The following BTBD9 variants were observed in gnomAD, a reference collection of about 807,000 sequenced individuals.
BTBD9 encodes the protein BTB/POZ domain-containing protein 9.
BTBD9 carries 49 observed loss-of-function variants against 64.3 expected under a neutral mutation model. The observed-to-expected ratio is 0.76, with a 90% CI of 0.61 to 0.97. BTBD9 has a LOEUF of 0.97. Ranked by LOEUF, BTBD9 falls within the 50% of genes least tolerant of loss-of-function variation. The pLI is 0.00. For synonymous variants in BTBD9, 260 were observed against 274.7 expected, an observed-to-expected ratio of 0.95 and a Z score of 0.53; for missense variants, 598 against 762.1, an observed-to-expected ratio of 0.78 and a Z score of 2.53.
At chr6:38,574,517 T>C (rs1775938520) in intron 6 of BTBD9, among the ~76,000 whole-genome samples, 1 of 152,140 alleles carries the variant, frequency 6.6e-6, no homozygotes. Flanking sequence ...CCAACGAGGA[T>C]GGCAGGGATG....
At chr6:38,546,780 T>C (rs1304268229) in intron 6 of BTBD9, among the ~76,000 whole-genome samples, 1 of 152,208 alleles carries the variant, frequency 6.6e-6, no homozygotes, top group Admixed American at 6.5e-5. Flanking sequence ...GTGATTCTCC[T>C]GCCTCAGCCT....
chr6:38,234,627 A>G (rs1470001481), intron 9 of BTBD9, among the ~76,000 whole-genome samples: 1 of 152,250 alleles, frequency 6.6e-6, no homozygotes, highest in African/African-American at 2.4e-5. Context: ...GTATTATTTT[A>G]ATAAAAACAG....
chr6:38,176,244 G>C (rs1761243560), intron 10 of BTBD9, among the ~76,000 whole-genome samples: 1 of 152,212 alleles, frequency 6.6e-6, no homozygotes, highest in Non-Finnish European at 1.5e-5. Context: ...GTAGAATCAA[G>C]TTCACAGAGA....
At chr6:38,248,185 T>C (rs913731257) in intron 9 of BTBD9, among the ~76,000 whole-genome samples, 2 of 152,168 alleles carry the variant, frequency 1.3e-5, no homozygotes, top group Admixed American at 1.3e-4. Context: ...AAAAAACTCT[T>C]TGCAGCATCA....
chr6:38,639,342 C>T (rs978155589), intron 1 of BTBD9, among the ~76,000 whole-genome samples: 54 of 152,284 alleles, frequency 3.5e-4, no homozygotes, highest in African/African-American at 1.2e-3. Context: ...TCACAACTCT[C>T]TCCATAACAA....
At chr6:38,363,268 C>T (rs1765045657) in intron 6 of BTBD9, among the ~76,000 whole-genome samples, 1 of 152,078 alleles carries the variant, frequency 6.6e-6, no homozygotes, top group Admixed American at 6.6e-5. Context: ...CAACTTTTTA[C>T]AACATTTCTC....
Position 38,594,209 on chromosome 6 carries a change from G to C in BTBD9, c.304C>G (p.Leu102Val). Residue 102 changes from leucine (L) to valine (V), a missense_variant, in exon 3 of 11, where the codon CTG becomes GTG. Coordinates refer to ENST00000481247, the MANE Select transcript of BTBD9 (RefSeq NM_001099272.2). ...AGCACCTCCTCCTTCTCATCTGTCA[G>C]CGTTGCCCGCCCAGTGTAGATATAT... The part of the protein sequence containing the change: ...LKYIYTGRAT[L>V]TDEKEEVLLD... 6.2e-7 allele frequency: 1 copy of C among 1,614,160 alleles called. No individual in the cohort carries two copies. Among genetic ancestry groups the C allele is most frequent in the Non-Finnish European group, 8.5e-7 (1 of 1,180,018 alleles).
intron 6 of BTBD9, among the ~76,000 whole-genome samples, chr6:38,449,350 C>T (rs1040633899): frequency 3.3e-5 from 5 of 152,178 alleles, no homozygotes; most frequent in African/African-American, 4.8e-5. Context: ...GGAGGCATCA[C>T]ACTACCTGAC....
Position 38,436,424 on chromosome 6 carries a change from G to C in BTBD9, c.1155-91331C>G, listed in dbSNP as rs562894395. Among the ~76,000 whole-genome samples the C allele has an allele frequency of 1.2e-4, 16 of 136,356 alleles. 1 individual carries two copies. In the South Asian group the frequency reaches 3.6e-3, roughly 31 times the overall value. 89.5% of individuals were successfully genotyped at this position (136,356 alleles called of 152,430 possible). A position where few individuals can be genotyped will look rare whatever the true frequency, so the allele number is the denominator to read the frequency against. ...GAGTTTCACTCTTGTTGCCCAGGCT[G>C]GAGGGCAACGGCACGATCTCGGCTC... On this transcript the variant is annotated intron_variant, in intron 6 of 10. Coordinates refer to ENST00000481247, the MANE Select transcript of BTBD9 (RefSeq NM_001099272.2).
At chr6:38,189,371 C>T (rs763660828) in intron 10 of BTBD9, among the ~76,000 whole-genome samples, 1 of 152,346 alleles carries the variant, frequency 6.6e-6, no homozygotes, top group East Asian at 1.9e-4. Flanking sequence ...TTCCATTGTT[C>T]TCTAAGATAG....
chr6:38,357,195 C>CA (rs369596463), intron 6 of BTBD9, among the ~76,000 whole-genome samples: 192 of 152,262 alleles, frequency 1.3e-3, no homozygotes, highest in African/African-American at 4.3e-3. Context: ...TGTAGTTAAC[C>CA]AATCTTCCTC....
chr6:38,501,330 G>A (rs572061519), intron 6 of BTBD9, among the ~76,000 whole-genome samples: 4 of 152,172 alleles, frequency 2.6e-5, no homozygotes, highest in African/African-American at 9.7e-5. Context: ...GATTAGGAAT[G>A]CTCAACCAGT....
intron 6 of BTBD9, among the ~76,000 whole-genome samples, chr6:38,553,755 A>G (rs1217915849): frequency 6.6e-6 from 1 of 152,048 alleles, no homozygotes; most frequent in African/African-American, 2.4e-5. Flanking sequence ...TGGGAGGCTG[A>G]GGTGGGAAGA....
At chr6:38,440,793 T>C (rs964830897) in intron 6 of BTBD9, among the ~76,000 whole-genome samples, 4 of 152,210 alleles carry the variant, frequency 2.6e-5, no homozygotes, top group Non-Finnish European at 4.4e-5. Flanking sequence ...TAAACATTTA[T>C]GTATATTTTA....
At chr6:38,477,624 C>G (rs189692236) in intron 6 of BTBD9, among the ~76,000 whole-genome samples, 2 of 152,310 alleles carry the variant, frequency 1.3e-5, no homozygotes, top group Non-Finnish European at 2.9e-5. Flanking sequence ...CGAGCAGTAT[C>G]TATATTTGCT....
intron 8 of BTBD9, among the ~76,000 whole-genome samples, chr6:38,285,045 G>A (rs1360036342): frequency 6.6e-6 from 1 of 152,120 alleles, no homozygotes; most frequent in African/African-American, 2.4e-5. Context: ...ATAGACAGAG[G>A]TAAGTCAGAT....
intron 6 of BTBD9, among the ~76,000 whole-genome samples, chr6:38,378,283 G>A (rs1467230689): frequency 6.8e-5 from 10 of 147,002 alleles, no homozygotes; most frequent in Admixed American, 2.7e-4. Flanking sequence ...TTGCTGTGTC[G>A]CCCAGGCTGG....
intron 6 of BTBD9, among the ~76,000 whole-genome samples, chr6:38,535,281 A>G (rs1042648606): frequency 6.6e-6 from 1 of 152,192 alleles, no homozygotes; most frequent in Non-Finnish European, 1.5e-5. Context: ...TTAAATACCT[A>G]GGAAATAAGT....
chr6:38,256,969 A>C (rs1486708744), intron 8 of BTBD9, among the ~76,000 whole-genome samples: 2 of 152,054 alleles, frequency 1.3e-5, no homozygotes, highest in East Asian at 3.9e-4. Context: ...TCACTTGTGT[A>C]AACAGTGGAG....
Sources: gnomAD v4.1 joint callset for allele counts (sites outside exome capture counted in the v4.1 genomes callset) on GRCh38, gnomAD v4.1.1 for gene constraint, MANE v1.5 for transcripts, NCBI Gene and HGNC (gene_info 2026-07-23, HGNC 2026-07-21) for gene names.